The following NKAIN2 variants were observed in gnomAD, a reference collection of about 807,000 sequenced individuals.
NKAIN2 encodes sodium/potassium-transporting ATPase subunit beta-1-interacting protein 2.
NKAIN2 carries 14 observed loss-of-function variants against 32.6 expected under a neutral mutation model. The ratio of observed to expected loss-of-function variants is 0.43; its 90% CI spans 0.28 to 0.67. NKAIN2 has a LOEUF of 0.67. Among genes scored for constraint, NKAIN2 ranks in the 30% least tolerant of loss-of-function variants. The probability of loss-of-function intolerance (pLI) is 0.17; values close to 1 mark genes in which losing one functional copy is unlikely to be tolerated. For synonymous variants in NKAIN2, 80 were observed against 87.2 expected, an observed-to-expected ratio of 0.92 and a Z score of 0.46; for missense variants, 198 against 258.3, an observed-to-expected ratio of 0.77 and a Z score of 1.60.
In NKAIN2 at chr6:124,784,396, C is replaced by G. The variant is rs531319603; in HGVS notation, c.475-6943C>G. ...CATTCACTTCCTTCTAACCCACCCC[C>G]CTTAGTCCCTGGAAACCACCAACCT... On this transcript the variant is annotated intron_variant, in intron 4 of 6. Transcript: ENST00000368417. Among the ~76,000 whole-genome samples, 3 of 152,194 alleles carry G rather than the reference C, an allele frequency of 2.0e-5. No homozygotes were observed. In the East Asian group the frequency reaches 5.8e-4, roughly 29 times the overall value.
chr6:124,705,822 G>A (rs117648157), intron 4 of NKAIN2, among the ~76,000 whole-genome samples: 2,202 of 152,104 alleles, frequency 0.014, 24 homozygotes, highest in Middle Eastern at 0.027. Context: ...AGAGTTTATG[G>A]AAATAACTCA....
intron 3 of NKAIN2, among the ~76,000 whole-genome samples, chr6:124,453,441 G>T (rs890367365): frequency 1.3e-5 from 2 of 150,820 alleles, no homozygotes; most frequent in African/African-American, 4.9e-5. Flanking sequence ...AATGATATAT[G>T]ATTTGCATTA....
intron 1 of NKAIN2, among the ~76,000 whole-genome samples, chr6:123,916,950 C>T (rs1408559325): frequency 2.6e-5 from 4 of 152,080 alleles, no homozygotes; most frequent in Admixed American, 6.6e-5. Context: ...AAAGTTAAGA[C>T]CTGATGTCAA....
At chr6:124,081,835 AT>A (rs1278682903) in intron 1 of NKAIN2, among the ~76,000 whole-genome samples, 1 of 151,968 alleles carries the variant, frequency 6.6e-6, no homozygotes, top group Non-Finnish European at 1.5e-5. Context: ...GGCCAAAAGT[AT>A]TAAGTTTGTG....
intron 2 of NKAIN2, among the ~76,000 whole-genome samples, chr6:124,334,944 C>A (rs887072345): frequency 6.6e-6 from 1 of 152,114 alleles, no homozygotes; most frequent in Admixed American, 6.6e-5. Flanking sequence ...TAGGTCAGAT[C>A]TTTTTCACTG....
At chr6:124,226,388 C>T (rs997222301) in intron 1 of NKAIN2, among the ~76,000 whole-genome samples, 1 of 151,972 alleles carries the variant, frequency 6.6e-6, no homozygotes, top group South Asian at 2.1e-4. Flanking sequence ...TTAAAACAAG[C>T]TTTTCCCCTG....
intron 1 of NKAIN2, among the ~76,000 whole-genome samples, chr6:124,163,112 A>T (rs1788358047): frequency 6.6e-6 from 1 of 152,098 alleles, no homozygotes; most frequent in Non-Finnish European, 1.5e-5. Context: ...GTAATGTTTC[A>T]GTATCACATA....
chr6:123,923,999 A>G (rs1274738143), intron 1 of NKAIN2, among the ~76,000 whole-genome samples: 9 of 152,066 alleles, frequency 5.9e-5, no homozygotes, highest in Admixed American at 5.9e-4. Flanking sequence ...CAAAGCAGGT[A>G]ACATGTTGAA....
chr6:124,714,609 A>G (rs1775661080), intron 4 of NKAIN2, among the ~76,000 whole-genome samples: 1 of 152,236 alleles, frequency 6.6e-6, no homozygotes, highest in Non-Finnish European at 1.5e-5. Context: ...AGTCTTCCCT[A>G]CAAACGAAAG....
intron 1 of NKAIN2, among the ~76,000 whole-genome samples, chr6:123,883,478 A>C (rs1329333206): frequency 6.6e-6 from 1 of 151,720 alleles, no homozygotes; most frequent in East Asian, 2.0e-4. Flanking sequence ...GTTTTTTAAA[A>C]AGTGTGTAGC....
At chr6:124,215,308 T>C (rs373464069) in intron 1 of NKAIN2, among the ~76,000 whole-genome samples, 12 of 152,210 alleles carry the variant, frequency 7.9e-5, no homozygotes, top group African/African-American at 2.9e-4. Context: ...ATTTAGGCGA[T>C]CCAACATCTC....
chr6:124,704,576 T>C (rs1774956183), intron 4 of NKAIN2, among the ~76,000 whole-genome samples: 1 of 151,298 alleles, frequency 6.6e-6, no homozygotes, highest in African/African-American at 2.4e-5. Context: ...ATAACCCTAC[T>C]GGGAGAAAAT....
intron 4 of NKAIN2, among the ~76,000 whole-genome samples, chr6:124,678,705 T>A (rs2114496769): frequency 1.3e-5 from 2 of 152,322 alleles, no homozygotes; most frequent in South Asian, 4.1e-4. Flanking sequence ...TGGAGTTCAT[T>A]TGTGGAAATT....
intron 3 of NKAIN2, among the ~76,000 whole-genome samples, chr6:124,639,838 G>C (rs1783919114): frequency 6.6e-6 from 1 of 152,086 alleles, no homozygotes; most frequent in African/African-American, 2.4e-5. Context: ...AGAGTCGGGA[G>C]AGAAGGATAG....
At chr6:124,345,973 G>T (rs922501889) in intron 2 of NKAIN2, among the ~76,000 whole-genome samples, 11 of 151,488 alleles carry the variant, frequency 7.3e-5, no homozygotes, top group Non-Finnish European at 1.2e-4. Flanking sequence ...GGGCATTTAG[G>T]GCTATAAATT....
intron 1 of NKAIN2, among the ~76,000 whole-genome samples, chr6:124,093,916 A>G (rs1289920033): frequency 3.3e-5 from 5 of 152,094 alleles, no homozygotes; most frequent in African/African-American, 4.8e-5. Context: ...TTCTTGTCTA[A>G]AAGGAAGGAA....
chr6:123,958,155 C>A, intron 1 of NKAIN2, among the ~76,000 whole-genome samples: 1 of 152,048 alleles, frequency 6.6e-6, no homozygotes, highest in East Asian at 1.9e-4. Context: ...AGCTAGGACA[C>A]CGACCAGTGT....
rs565983429 is a variant in NKAIN2 at position 124,468,687 on chromosome 6, T to C, written c.273+113340T>C. Among the ~76,000 whole-genome samples the C allele has an allele frequency of 4.3e-4, 65 of 152,316 alleles. No homozygotes were observed. In the Middle Eastern group the frequency reaches 0.01, roughly 24 times the overall value. On this transcript the variant is annotated intron_variant, in intron 3 of 6. Coordinates refer to ENST00000368417, the MANE Select transcript of NKAIN2 (RefSeq NM_001040214.3). ...CTCTATTAATTATTTACATATTACA[T>C]TTAATTCTACCAGATGCTGAAAAGA...
chr6:124,176,187 T>TA (rs1789146118), intron 1 of NKAIN2, among the ~76,000 whole-genome samples: 1 of 152,148 alleles, frequency 6.6e-6, no homozygotes, highest in Admixed American at 6.5e-5. Flanking sequence ...TACTTTATTG[T>TA]AAAAAAGATG....
Sources: gnomAD v4.1 joint callset for allele counts (sites outside exome capture counted in the v4.1 genomes callset) on GRCh38, gnomAD v4.1.1 for gene constraint, MANE v1.5 for transcripts, NCBI Gene and HGNC (gene_info 2026-07-23, HGNC 2026-07-21) for gene names.